The following ABCB4 variants were observed in gnomAD, a reference collection of about 807,000 sequenced individuals.
ABCB4 encodes the protein phosphatidylcholine translocator ABCB4.
ABCB4 carries 76 observed loss-of-function variants against 145.7 expected under a neutral mutation model. The observed-to-expected ratio is 0.52, with a 90% CI of 0.43 to 0.63. The LOEUF (loss-of-function observed/expected upper bound fraction) is 0.63. Among genes scored for constraint, ABCB4 ranks in the 30% least tolerant of loss-of-function variants. The pLI, the probability that ABCB4 is intolerant of heterozygous loss-of-function variation, is 0.00. For missense variants in ABCB4, 1,234 were observed against 1,553.1 expected (o/e 0.79, Z 3.45); for synonymous variants, 517 against 566.8 (o/e 0.91, Z 1.25).
In ABCB4 at chr7:87,403,225, CTGT is replaced by C; in HGVS notation, c.3540_3542del (p.Gln1181del). On this transcript the variant is annotated inframe_deletion, in exon 27 of 28. Coordinates refer to ENST00000649586, the MANE Select transcript of ABCB4 (RefSeq NM_000443.4). ...TGAGGGCTCGGGCAATAGCAATCCT[CTGT>C]TTTTGACCTCCTGAGAGCTGAGTCC... is the stretch of plus-strand genomic sequence containing the variant. The C allele has an allele frequency of 6.2e-7, 1 of 1,614,080 alleles. No individual in the cohort carries two copies. The highest frequency in any genetic ancestry group is 8.5e-7 in the Non-Finnish European group (1 of 1,179,956).
intron 21 of ABCB4, among the ~76,000 whole-genome samples, chr7:87,413,931 G>A (rs1009168844): frequency 2.0e-4 from 31 of 152,194 alleles, no homozygotes; most frequent in Non-Finnish European, 8.8e-5. Flanking sequence ...GCAAGTCTTT[G>A]TATGCTCAGG....
intron 1 of ABCB4, 42 bp downstream of exon 1, chr7:87,475,592 C>A: frequency 1.0e-6 from 1 of 969,204 alleles, no homozygotes; most frequent in Non-Finnish European, 1.6e-6. Flanking sequence ...CCCCACGTCC[C>A]GGGTCTCCCT....
intron 2 of ABCB4, among the ~76,000 whole-genome samples, chr7:87,474,505 C>T (rs561940240): frequency 1.3e-5 from 2 of 152,292 alleles, no homozygotes; most frequent in Admixed American, 6.5e-5. Flanking sequence ...GCTAATCAAG[C>T]CCCTAGCAGC....
chr7:87,409,059 C>A (rs1281127173), intron 24 of ABCB4, among the ~76,000 whole-genome samples, 177 bp downstream of exon 24: 1 of 151,838 alleles, frequency 6.6e-6, no homozygotes, highest in Non-Finnish European at 1.5e-5. Context: ...CTTGAAACCA[C>A]CTATAAAATT....
chr7:87,394,380 T>C, the ABCB4 span, among the ~76,000 whole-genome samples: 1 of 152,160 alleles, frequency 6.6e-6, no homozygotes, highest in South Asian at 2.1e-4. Flanking sequence ...CATTGAATAA[T>C]ACCATGGGAC....
chr7:87,437,734 G>T (rs558950808), intron 14 of ABCB4, among the ~76,000 whole-genome samples: 2 of 152,208 alleles, frequency 1.3e-5, no homozygotes, highest in African/African-American at 4.8e-5. Flanking sequence ...ACGTGCCCAA[G>T]GACACAGCTA....
chr7:87,454,663 A>G (rs1811993971), intron 4 of ABCB4, 71 bp from the exon 5 acceptor site: 4 of 1,121,776 alleles, frequency 3.6e-6, no homozygotes, highest in Non-Finnish European at 5.2e-6. Context: ...GTTTTTAAAA[A>G]TCTGTTAATA....
At chr7:87,371,113 T>C in the ABCB4 span, among the ~76,000 whole-genome samples, 1 of 152,220 alleles carries the variant, frequency 6.6e-6, no homozygotes, top group East Asian at 1.9e-4. Flanking sequence ...ATCTTTACCA[T>C]ACAGATTATA....
downstream of ABCB4, chr7:87,399,591 T>C (rs1390488604): frequency 2.0e-5 from 3 of 152,230 alleles, no homozygotes; most frequent in Non-Finnish European, 2.9e-5. Flanking sequence ...CATTGTGGTG[T>C]ATTATAATTA....
intron 15 of ABCB4, 73 bp from the exon 16 acceptor site, chr7:87,426,993 G>A: frequency 1.6e-6 from 2 of 1,287,168 alleles, no homozygotes; most frequent in Non-Finnish European, 2.2e-6. Flanking sequence ...CCAAATGGAT[G>A]TAACCTCCAA....
chr7:87,475,472 C>T lies in ABCB4; in HGVS notation c.-6-1G>A, dbSNP rs1369444162. The T allele has an allele frequency of 1.9e-5, 30 of 1,614,200 alleles. No homozygotes were observed. The highest frequency in any genetic ancestry group is 2.5e-5 in the Non-Finnish European group (30 of 1,180,030). On this transcript the variant is annotated splice_acceptor_variant, in intron 1 of 27. Transcript: ENST00000649586. LOFTEE classifies it low-confidence loss of function (5UTR_SPLICE). ...TTGCCGCCTCAAGATCCATCTCAGC[C>T]TGAGGAGAAACCACAGCCTCAGAAC...
intron 3 of ABCB4, among the ~76,000 whole-genome samples, chr7:87,469,850 T>C (rs181266997): frequency 5.5e-4 from 83 of 151,742 alleles, no homozygotes; most frequent in Non-Finnish European, 8.5e-4. Context: ...ACTTTCTTCA[T>C]AGAATTGGAA....
chr7:87,464,287 A>G (rs1267567576), intron 3 of ABCB4, among the ~76,000 whole-genome samples: 3 of 152,224 alleles, frequency 2.0e-5, no homozygotes, highest in African/African-American at 7.2e-5. Context: ...GACAAACTCC[A>G]TCATCAAACA....
Position 87,413,808 on chromosome 7 carries a change from G to C in ABCB4, c.2683-91C>G. ...CCTAGGGCTCTGTCAAAAGTATCCT[G>C]AAGGTTACGTTGATAGGCTTTAATT... On this transcript the variant is annotated intron_variant, in intron 21 of 27. Coordinates refer to ENST00000649586, the MANE Select transcript of ABCB4 (RefSeq NM_000443.4). 3.4e-6 allele frequency: 3 copies of C among 886,768 alleles called. No individual in the cohort carries two copies. In the South Asian group the frequency reaches 4.0e-5, roughly 12 times the overall value. The allele number at this position is 886,768 out of a possible 1,614,324, so 54.9% of individuals were successfully genotyped here.
At chr7:87,368,917 C>A in the ABCB4 span, among the ~76,000 whole-genome samples, 1 of 152,190 alleles carries the variant, frequency 6.6e-6, no homozygotes, top group South Asian at 2.1e-4. Context: ...CATACTGTAT[C>A]CTTTTCTACT....
At chr7:87,417,247 T>G (rs757029617) in intron 21 of ABCB4, 65 bp downstream of exon 21, 14 of 1,459,492 alleles carry the variant, frequency 9.6e-6, no homozygotes, top group Middle Eastern at 2.2e-4. Flanking sequence ...TCATGATAAA[T>G]AATTCAAATA....
chr7:87,430,472 A>C (rs1399502399), intron 15 of ABCB4, among the ~76,000 whole-genome samples: 1 of 152,132 alleles, frequency 6.6e-6, no homozygotes, highest in African/African-American at 2.4e-5. Context: ...AATATGAAAA[A>C]CCAATCATTA....
chr7:87,452,264 G>C (rs1303807299), intron 6 of ABCB4: 2 of 231,576 alleles, frequency 8.6e-6, no homozygotes, highest in Admixed American at 5.2e-5. Context: ...ATGCAAGTCT[G>C]ACCATGCTAC....
At chr7:87,446,196 C>A (rs954332612) in intron 9 of ABCB4, among the ~76,000 whole-genome samples, 2 of 152,184 alleles carry the variant, frequency 1.3e-5, no homozygotes, top group African/African-American at 4.8e-5. Flanking sequence ...TATTCACTTT[C>A]ATAATGACCC....
Sources: allele counts gnomAD v4.1 joint callset (sites outside exome capture counted in the v4.1 genomes callset), GRCh38; gene constraint gnomAD v4.1.1; transcripts MANE v1.5; gene names NCBI Gene and HGNC (gene_info 2026-07-23, HGNC 2026-07-21).